DCC: variants seen among roughly 807,000 people sequenced by gnomAD.
The protein encoded by DCC is netrin receptor DCC.
Under a neutral mutation model 172.5 loss-of-function variants are expected in DCC, and 58 were observed. That is an observed-to-expected ratio of 0.34 (90% CI 0.27 to 0.42). The LOEUF (loss-of-function observed/expected upper bound fraction) is 0.42, where lower values mean the gene tolerates loss of function less well. Ranked by LOEUF, DCC falls within the 10% of genes least tolerant of loss-of-function variation. The probability of loss-of-function intolerance (pLI) is 1.00; values close to 1 mark genes in which losing one functional copy is unlikely to be tolerated. For missense variants in DCC, 1,740 were observed against 1,791.0 expected (o/e 0.97, Z 0.51); for synonymous variants, 709 against 644.5 (o/e 1.10, Z -1.52).
At chr18:52,566,296 G>A (rs1265537457) in intron 1 of DCC, among the ~76,000 whole-genome samples, 2 of 152,022 alleles carry the variant, frequency 1.3e-5, no homozygotes, top group South Asian at 2.1e-4. Context: ...GTTCTCATTC[G>A]TAAGTGGGAG....
At chr18:53,162,468 T>A (rs2054857972) in intron 8 of DCC, among the ~76,000 whole-genome samples, 2 of 152,214 alleles carry the variant, frequency 1.3e-5, no homozygotes, top group African/African-American at 4.8e-5. Flanking sequence ...AGTTAGGGTA[T>A]GTCATTCCTC....
chr18:53,002,050 T>C (rs1215129955), intron 5 of DCC, among the ~76,000 whole-genome samples: 1 of 152,140 alleles, frequency 6.6e-6, no homozygotes, highest in Non-Finnish European at 1.5e-5. Context: ...ATTACTTTAT[T>C]GTTAACACTT....
At chr18:52,466,752 A>T (rs576918013) in intron 1 of DCC, among the ~76,000 whole-genome samples, 1 of 152,208 alleles carries the variant, frequency 6.6e-6, no homozygotes, top group African/African-American at 2.4e-5. Flanking sequence ...AACACACTGC[A>T]TAGCTAGCCT....
At chr18:53,189,740 T>C (rs1002874561) in intron 9 of DCC, among the ~76,000 whole-genome samples, 3 of 152,178 alleles carry the variant, frequency 2.0e-5, no homozygotes, top group Non-Finnish European at 4.4e-5. Flanking sequence ...GACTGCAAAC[T>C]GCTTAGGTGG....
intron 2 of DCC, among the ~76,000 whole-genome samples, chr18:52,767,669 T>C (rs1158088103): frequency 1.3e-5 from 2 of 152,222 alleles, no homozygotes; most frequent in East Asian, 1.9e-4. Flanking sequence ...AAGCCATTTT[T>C]CCCAAGTCTT....
At chr18:53,316,500 C>T (rs572081770) in intron 13 of DCC, among the ~76,000 whole-genome samples, 49 of 151,328 alleles carry the variant, frequency 3.2e-4, no homozygotes, top group African/African-American at 1.1e-3. Context: ...TGAAGAAAGT[C>T]GATGGTAGCT....
chr18:52,477,252 G>A (rs1273099505), intron 1 of DCC, among the ~76,000 whole-genome samples: 1 of 152,142 alleles, frequency 6.6e-6, no homozygotes, highest in Non-Finnish European at 1.5e-5. Flanking sequence ...CATGCGAAGA[G>A]ATTGGATTCT....
chr18:53,069,593 A>T (rs1399794799), intron 7 of DCC, among the ~76,000 whole-genome samples: 1 of 151,032 alleles, frequency 6.6e-6, no homozygotes, highest in Non-Finnish European at 1.5e-5. Context: ...GATTTTCTGA[A>T]GAACTCACAG....
chr18:52,390,943 T>G (rs915007613), intron 1 of DCC, among the ~76,000 whole-genome samples: 2 of 152,084 alleles, frequency 1.3e-5, no homozygotes, highest in Admixed American at 1.3e-4. Context: ...GTTTGTCCCC[T>G]CCATTACCAA....
intron 2 of DCC, among the ~76,000 whole-genome samples, chr18:52,846,837 T>C (rs568388268): frequency 2.2e-4 from 34 of 152,114 alleles, no homozygotes; most frequent in Non-Finnish European, 4.0e-4. Flanking sequence ...GATTATGTGA[T>C]GGATATTCAC....
intron 1 of DCC, among the ~76,000 whole-genome samples, chr18:52,366,719 C>T (rs577833658): frequency 6.6e-6 from 1 of 151,620 alleles, no homozygotes; most frequent in Non-Finnish European, 1.5e-5. Flanking sequence ...TACAGAGTGT[C>T]GATTGGTGCA....
chr18:52,418,838 T>TTTTCTTTC (rs1416079242), intron 1 of DCC, among the ~76,000 whole-genome samples: 3 of 142,764 alleles, frequency 2.1e-5, no homozygotes, highest in South Asian at 4.5e-4. Context: ...TCCTTTTTCT[T>TTTTCTTTC]TTTCTTTCTT....
intron 1 of DCC, among the ~76,000 whole-genome samples, chr18:52,563,598 G>A (rs977795680): frequency 2.6e-5 from 4 of 152,140 alleles, no homozygotes; most frequent in African/African-American, 7.2e-5. Context: ...GTTTCCTAGT[G>A]ACTGTGCCTT....
chr18:52,634,705 T>A (rs762269221), intron 1 of DCC, among the ~76,000 whole-genome samples: 3 of 152,196 alleles, frequency 2.0e-5, no homozygotes, highest in Non-Finnish European at 4.4e-5. Flanking sequence ...TAGAGACCCA[T>A]AAGACTTATT....
At chr18:52,469,546 A>C (rs1988887123) in intron 1 of DCC, among the ~76,000 whole-genome samples, 1 of 152,196 alleles carries the variant, frequency 6.6e-6, no homozygotes, top group Admixed American at 6.5e-5. Context: ...TATACTAATG[A>C]TAAAAAAGAA....
chr18:52,537,293 T>C (rs1047890909), intron 1 of DCC, among the ~76,000 whole-genome samples: 99 of 152,314 alleles, frequency 6.5e-4, no homozygotes, highest in African/African-American at 2.3e-3. Context: ...TCCTTTATGA[T>C]ATATTTAGAC....
At chr18:52,705,189 G>A (rs2036185726) in intron 1 of DCC, among the ~76,000 whole-genome samples, 1 of 152,144 alleles carries the variant, frequency 6.6e-6, no homozygotes, top group African/African-American at 2.4e-5. Context: ...TTCTATTAGG[G>A]ATAGTGGCGA....
At chr18:52,735,817 T>G (rs1487383425) in intron 1 of DCC, among the ~76,000 whole-genome samples, 1 of 152,064 alleles carries the variant, frequency 6.6e-6, no homozygotes, top group Non-Finnish European at 1.5e-5. Context: ...GGCAACAACC[T>G]TACAGATGAA....
intron 1 of DCC, among the ~76,000 whole-genome samples, chr18:52,698,188 A>C (rs1054890515): frequency 6.6e-6 from 1 of 152,328 alleles, no homozygotes; most frequent in Middle Eastern, 3.4e-3. Flanking sequence ...AGAGGTAGGA[A>C]GTATTCCTCC....
Sources: allele counts gnomAD v4.1 joint callset (sites outside exome capture counted in the v4.1 genomes callset), GRCh38; gene constraint gnomAD v4.1.1; transcripts MANE v1.5; gene names NCBI Gene and HGNC (gene_info 2026-07-23, HGNC 2026-07-21).